The following APCDD1L variants were observed in gnomAD, a reference collection of about 807,000 sequenced individuals.
The protein encoded by APCDD1L is APC down-regulated 1 like.
A neutral mutation model predicts 24.2 loss-of-function variants in APCDD1L; 21 were observed. That is an observed-to-expected ratio of 0.87 (90% confidence interval 0.61 to 1.25). The LOEUF (loss-of-function observed/expected upper bound fraction) is 1.25. Among genes scored for constraint, APCDD1L ranks in the 50% most tolerant of loss-of-function variants. The pLI is 0.00. For synonymous variants in APCDD1L, 321 were observed against 323.6 expected, an observed-to-expected ratio of 0.99 and a Z score of 0.09; for missense variants, 704 against 711.7, an observed-to-expected ratio of 0.99 and a Z score of 0.12.
chr20:58,468,840 T>C (rs994477379), intron 2 of APCDD1L, among the ~76,000 whole-genome samples: 1 of 152,186 alleles, frequency 6.6e-6, no homozygotes, highest in African/African-American at 2.4e-5. Flanking sequence ...AGTGCTGGGA[T>C]TACAGGCGTG....
At chr20:58,501,454 G>A (rs993623755) in intron 1 of APCDD1L, among the ~76,000 whole-genome samples, 1 of 152,158 alleles carries the variant, frequency 6.6e-6, no homozygotes, top group Non-Finnish European at 1.5e-5. Flanking sequence ...GGCCGTAGAG[G>A]GCACAGCTAG....
intron 3 of APCDD1L, among the ~76,000 whole-genome samples, chr20:58,463,905 G>GGC (rs1989663155): frequency 8.3e-6 from 1 of 121,040 alleles, no homozygotes; most frequent in East Asian, 3.1e-4. Context: ...GGGGGGGGGG[G>GGC]GCGTCACATT....
chr20:58,509,423 C>G (rs1372956342), intron 1 of APCDD1L, among the ~76,000 whole-genome samples: 1 of 152,084 alleles, frequency 6.6e-6, no homozygotes, highest in African/African-American at 2.4e-5. Context: ...TTAGCTATAC[C>G]CCTGCCTAGC....
chr20:58,497,007 A>G lies in APCDD1L; in HGVS notation c.49+17652T>C, dbSNP rs941480073. Among the ~76,000 whole-genome samples, 1 of 152,240 alleles carries G rather than the reference A, an allele frequency of 6.6e-6. No individual in the cohort carries two copies. On this transcript the variant is annotated intron_variant, in intron 1 of 3. Coordinates refer to ENST00000371149, the MANE Select transcript of APCDD1L (RefSeq NM_153360.3). This position sits in a 1 kb window ranked among gnomAD's most constrained non-coding sequence, Gnocchi z 4.3. ...AAGAAAAGTCGCGATGCAAATTTGC[A>G]TATGTATACTAGAAGGTCTGAACTT...
At chr20:58,500,757 A>G (rs986699287) in intron 1 of APCDD1L, among the ~76,000 whole-genome samples, 1 of 151,996 alleles carries the variant, frequency 6.6e-6, no homozygotes, top group Non-Finnish European at 1.5e-5. Flanking sequence ...CACACCTTTG[A>G]CTACCCCCGG....
At chr20:58,501,277 C>T (rs1050118478) in intron 1 of APCDD1L, among the ~76,000 whole-genome samples, 1 of 152,204 alleles carries the variant, frequency 6.6e-6, no homozygotes, top group African/African-American at 2.4e-5. Context: ...CTGTAACCCC[C>T]TGTACCTCAG....
intron 1 of APCDD1L, among the ~76,000 whole-genome samples, chr20:58,498,367 C>A (rs1600872801): frequency 2.6e-5 from 4 of 152,132 alleles, no homozygotes; most frequent in African/African-American, 9.7e-5. Context: ...AAAATGAACC[C>A]CTTCGGTAAT....
At chr20:58,473,415 G>C (rs1300159677) in intron 1 of APCDD1L, among the ~76,000 whole-genome samples, 1 of 152,196 alleles carries the variant, frequency 6.6e-6, no homozygotes, top group African/African-American at 2.4e-5. Flanking sequence ...GCTGCATTCG[G>C]AACATGTACA....
chr20:58,465,254 G>C (rs1456236725), intron 3 of APCDD1L, among the ~76,000 whole-genome samples: 1 of 152,250 alleles, frequency 6.6e-6, no homozygotes, highest in Admixed American at 6.5e-5. Flanking sequence ...GTCATAAAAA[G>C]AACTCTGAGG....
rs1459565106 is a variant in APCDD1L at position 58,494,318 on chromosome 20, C to A, written c.49+20341G>T. Among the ~76,000 whole-genome samples, 3 of 151,218 alleles carry A rather than the reference C, an allele frequency of 2.0e-5. No homozygotes were observed. Among genetic ancestry groups the A allele is most frequent in the Non-Finnish European group, 4.4e-5 (3 of 67,792 alleles). ...TCTTTTCTCTTCTCTCTTCTCTTCT[C>A]TTCTTTTCCTTTCCTTTCTTTTCTT... On this transcript the variant is annotated intron_variant, in intron 1 of 3. Coordinates refer to ENST00000371149, the MANE Select transcript of APCDD1L (RefSeq NM_153360.3). This position sits in a 1 kb window ranked among gnomAD's most constrained non-coding sequence, Gnocchi z 4.8.
chr20:58,500,610 A>C (rs777573813), intron 1 of APCDD1L, among the ~76,000 whole-genome samples: 1 of 152,138 alleles, frequency 6.6e-6, no homozygotes, highest in Non-Finnish European at 1.5e-5. Flanking sequence ...TGAGATAGGG[A>C]AGTGTCATGC....
intron 1 of APCDD1L, among the ~76,000 whole-genome samples, chr20:58,488,643 A>G (rs778734381): frequency 2.6e-5 from 4 of 152,262 alleles, no homozygotes; most frequent in Non-Finnish European, 5.9e-5. Flanking sequence ...AATCAAAATC[A>G]AAATCAAAAG....
At chr20:58,487,552 C>A (rs554447112) in intron 1 of APCDD1L, among the ~76,000 whole-genome samples, 93 of 152,190 alleles carry the variant, frequency 6.1e-4, no homozygotes, top group African/African-American at 2.1e-3. Flanking sequence ...GATTTCGAAA[C>A]CCCTAGCTAT....
At position 58,499,618 on chromosome 20, in the gene APCDD1L, C is replaced by T. The variant is rs372776990; in HGVS notation, c.49+15041G>A. Among the ~76,000 whole-genome samples, 3 of 152,346 alleles carry T rather than the reference C, an allele frequency of 2.0e-5. No individual in the cohort carries two copies. The East Asian group carries it at 5.8e-4, about 29-fold the overall frequency. ...GCTGTGGCTCCTTCCTCCCTCCATC[C>T]ACCTCAGTGCCCTTCCCAAGCACGT... On this transcript the variant is annotated intron_variant, in intron 1 of 3. Transcript: ENST00000371149.
Position 58,467,383 on chromosome 20 carries a change from C to T in APCDD1L, c.464G>A (p.Gly155Asp). 2 of 1,505,450 alleles carry T rather than the reference C, an allele frequency of 1.3e-6. No individual in the cohort carries two copies. Among genetic ancestry groups the T allele is most frequent in the South Asian group, 2.5e-5 (2 of 78,696 alleles). The allele number at this position is 1,505,450 out of a possible 1,614,324, so 93.3% of individuals were successfully genotyped here. ...AGGCAGCCGCCGCGCGCAGTCCCGG[C>T]CGGCGCGGGTCTGGTTGAGGCGCCC... The part of the protein sequence containing the change: ...VTGRLNQTRA[G>D]RDCARRLPPA... Residue 155 changes from glycine to aspartate, a missense_variant, in exon 3 of 4, where the codon GGC (glycine) becomes GAC (aspartate). Gly to Asp is a moderately conservative substitution (Grantham distance 94). Coordinates refer to ENST00000371149, the MANE Select transcript of APCDD1L (RefSeq NM_153360.3). This position sits in a 1 kb window ranked among gnomAD's most constrained non-coding sequence, Gnocchi z 5.9.
At chr20:58,505,132 C>CT (rs545459211) in intron 1 of APCDD1L, among the ~76,000 whole-genome samples, 6 of 151,952 alleles carry the variant, frequency 3.9e-5, no homozygotes, top group Admixed American at 2.6e-4. Context: ...CATATGTTTT[C>CT]TTTTTTTTAT....
At chr20:58,481,599 G>T (rs1245900862) in intron 1 of APCDD1L, among the ~76,000 whole-genome samples, 1 of 152,168 alleles carries the variant, frequency 6.6e-6, no homozygotes, top group Non-Finnish European at 1.5e-5. Context: ...AAGATGTCGG[G>T]GGTGACTGGG....
At chr20:58,503,382 G>A (rs758482970) in intron 1 of APCDD1L, among the ~76,000 whole-genome samples, 2 of 152,124 alleles carry the variant, frequency 1.3e-5, no homozygotes, top group Non-Finnish European at 2.9e-5. Context: ...TAAAGCTGAT[G>A]GGCCAAACAG....
At chr20:58,513,985 C>A (rs1568757796) in intron 1 of APCDD1L, 5 of 1,278,134 alleles carry the variant, frequency 3.9e-6, no homozygotes, top group Non-Finnish European at 5.1e-6. Context: ...GGTGACTGGG[C>A]CCCTGTGATG....
Sources: gnomAD v4.1 joint callset for allele counts (sites outside exome capture counted in the v4.1 genomes callset) on GRCh38, gnomAD v4.1.1 for gene constraint, Gnocchi (gnomAD v3.1) non-coding constraint, MANE v1.5 for transcripts, NCBI Gene and HGNC (gene_info 2026-07-23, HGNC 2026-07-21) for gene names.